Variants in HERC2 observed in about 807,000 individuals in gnomAD.
HERC2 encodes the protein E3 ubiquitin-protein ligase HERC2.
In HERC2, 102 loss-of-function variants were observed where a neutral mutation model predicts 537.7. That is an observed-to-expected ratio of 0.19 (90% CI 0.16 to 0.22). The LOEUF (loss-of-function observed/expected upper bound fraction) is 0.22, where lower values mean the gene tolerates loss of function less well. Ranked by LOEUF, HERC2 falls within the 10% of genes least tolerant of loss-of-function variation. The pLI is 1.00. For synonymous variants in HERC2, 2,224 were observed against 2,466.2 expected (o/e 0.90, Z 2.91); for missense variants, 4,236 against 6,198.2 (o/e 0.68, Z 10.63).
intron 53 of HERC2, among the ~76,000 whole-genome samples, chr15:28,191,694 G>C (rs1475250095): frequency 6.6e-6 from 1 of 152,174 alleles, no homozygotes. Flanking sequence ...ATTCTATGCA[G>C]GAGAGGAGGA....
chr15:28,164,007 C>G (rs1401169950), intron 68 of HERC2, among the ~76,000 whole-genome samples: 1 of 152,176 alleles, frequency 6.6e-6, no homozygotes, highest in Admixed American at 6.5e-5. Flanking sequence ...ACAGAAGCCT[C>G]CTGGAGGGCA....
intron 69 of HERC2, among the ~76,000 whole-genome samples, chr15:28,154,362 C>G (rs1302718658): frequency 6.6e-6 from 1 of 151,950 alleles, no homozygotes; most frequent in Non-Finnish European, 1.5e-5. Context: ...TTTTTGAGTC[C>G]CAAATATCAG....
chr15:28,309,061 T>G (rs151132515), intron 2 of HERC2, among the ~76,000 whole-genome samples: 1 of 152,360 alleles, frequency 6.6e-6, no homozygotes, highest in Non-Finnish European at 1.5e-5. Context: ...TTTTAATGAC[T>G]TATTTTGTGG....
chr15:28,141,417 A>G lies in HERC2; in HGVS notation c.12015+15T>C, dbSNP rs1262619349. 1 of 1,613,144 alleles carries G rather than the reference A, an allele frequency of 6.2e-7. No homozygotes were observed. The highest frequency in any genetic ancestry group is 8.5e-7 in the Non-Finnish European group (1 of 1,179,122). On this transcript the variant is annotated intron_variant, in intron 78 of 92. Coordinates refer to ENST00000261609, the MANE Select transcript of HERC2 (RefSeq NM_004667.6). ...CAGGCTCAATGACCTTGTGACATAG[A>G]AAAAGAGCTCTTACCTTCCCATCAG...
intron 57 of HERC2, among the ~76,000 whole-genome samples, chr15:28,181,410 A>T (rs1465230465): frequency 6.6e-6 from 1 of 152,240 alleles, no homozygotes; most frequent in East Asian, 1.9e-4. Context: ...AGGTACACTG[A>T]AACACAAATG....
rs746414041 is a variant in HERC2 at position 28,260,807 on chromosome 15, G to C, written c.2286C>G (p.His762Gln). The C allele has an allele frequency of 6.2e-7, 1 of 1,614,236 alleles. No homozygotes were observed. Among genetic ancestry groups the C allele is most frequent in the Non-Finnish European group, 8.5e-7 (1 of 1,180,036 alleles). Residue 762 changes from histidine (H) to glutamine (Q), a missense_variant, in exon 16 of 93, where the codon CAC (histidine) becomes CAG (glutamine). His to Gln is a conservative substitution (Grantham distance 24, BLOSUM62 0). Around this residue, in one of 27 missense-constraint regions of HERC2, gnomAD observed 754 missense variants for 1,085.0 expected, o/e 0.69. Coordinates refer to ENST00000261609, the MANE Select transcript of HERC2 (RefSeq NM_004667.6). ...PAALPGLDTK[H>Q]IVGIACGPAQ... Reference sequence around the variant, plus strand: ...CAGGCCCACAGGCAATTCCCACTATGTGTTTGGTGTCCAGTCCTGGCAATG... The same window carrying C: ...CAGGCCCACAGGCAATTCCCACTATCTGTTTGGTGTCCAGTCCTGGCAATG...
chr15:28,182,655 A>G (rs73362608), intron 56 of HERC2, 143 bp from the exon 57 acceptor site: 11 of 656,736 alleles, frequency 1.7e-5, no homozygotes, highest in Non-Finnish European at 2.3e-5. Context: ...TTTAATAGAA[A>G]AAAACCTCAA....
In HERC2 at chr15:28,233,805, G is replaced by C. The variant is rs1472194978; in HGVS notation, c.4219-9C>G. ...ATTTGACACAAAAAGTCCTGCAACA[G>C]AAACAGCTGGAAGTAACTTCAGAGC... On this transcript the variant is annotated splice_polypyrimidine_tract_variant and intron_variant, in intron 27 of 92. Coordinates refer to ENST00000261609, the MANE Select transcript of HERC2 (RefSeq NM_004667.6). The C allele has an allele frequency of 6.2e-7, 1 of 1,611,816 alleles. No individual in the cohort carries two copies. The highest frequency in any genetic ancestry group is 8.5e-7 in the Non-Finnish European group (1 of 1,179,740).
chr15:28,153,456 C>A (rs1305638223), intron 69 of HERC2, among the ~76,000 whole-genome samples: 1 of 151,946 alleles, frequency 6.6e-6, no homozygotes, highest in Non-Finnish European at 1.5e-5. Flanking sequence ...GAGTTCAAGA[C>A]CAGCCTGGCC....
Position 28,174,441 on chromosome 15 carries a change from G to C in HERC2, c.10011C>G (p.Pro3337=). ...GGTCTCTTGCAGTCTGGAAGAGGAC[G>C]GGCTCGTGGACAGAGGGCGTGGCCA... ...VDVATPSVHE[P]VLFQTARDPL... is the part of the protein sequence containing the mutation. The change falls in exon 65 of 93, where the codon CCC becomes CCG. Residue 3337 remains proline, a synonymous_variant. Transcript: ENST00000261609. 6.3e-7 allele frequency: 1 copy of C among 1,580,572 alleles called. No homozygotes were observed.
At chr15:28,308,414 A>G (rs1567148578) in intron 2 of HERC2, among the ~76,000 whole-genome samples, 1 of 152,248 alleles carries the variant, frequency 6.6e-6, no homozygotes, top group Non-Finnish European at 1.5e-5. Context: ...GTATACTGCA[A>G]TTGTATTGAA....
intron 2 of HERC2, among the ~76,000 whole-genome samples, chr15:28,312,117 A>T (rs1313794797): frequency 2.6e-5 from 4 of 152,420 alleles, no homozygotes. Context: ...GACCCAAATA[A>T]ATGGTAAGCA....
Position 28,317,707 on chromosome 15 carries a change from G to A in HERC2, c.72+3655C>T, listed in dbSNP as rs527896936. ...GTAGTGATGAAACAGTTCTGCATAG[G>A]AAATTGTAGTAGTAGTTACATTTAC... On this transcript the variant is annotated intron_variant, in intron 2 of 92. Transcript: ENST00000261609. Among the ~76,000 whole-genome samples, 81 of 152,290 alleles carry A rather than the reference G, an allele frequency of 5.3e-4. 1 individual carries two copies. The highest frequency in any genetic ancestry group is 4.8e-3 in the South Asian group (23 of 4,818).
In HERC2 at chr15:28,116,551, A is replaced by G. The variant is rs933510777; in HGVS notation, c.13609+114T>C. On this transcript the variant is annotated intron_variant, in intron 88 of 92. Transcript: ENST00000261609. Reference sequence around the variant, plus strand: ...ATTTTTATTGGTAACAGTCTCAAAAACTAAAAGCAGATATTCAAGATATCT... The same window carrying G: ...ATTTTTATTGGTAACAGTCTCAAAAGCTAAAAGCAGATATTCAAGATATCT... The G allele has an allele frequency of 2.7e-6, 3 of 1,126,302 alleles. No individual in the cohort carries two copies. The South Asian group carries it at 4.6e-5, about 17-fold the overall frequency. 69.8% of individuals were successfully genotyped at this position (1,126,302 alleles called of 1,614,324 possible). A position where few individuals can be genotyped will look rare whatever the true frequency, so the allele number is the denominator to read the frequency against.
Position 28,178,961 on chromosome 15 carries a change from C to T in HERC2, c.9089G>A (p.Ser3030Asn), listed in dbSNP as rs201973387. ...TNGRLGLGIS[S>N]GTVPIPRQIT... ...CTGCCGTGGGATGGGCACCGTCCCG[C>T]TGGAAATGCCCAGCCCCAGCCGGCC... The change falls in exon 59 of 93, where the codon AGC becomes AAC. Residue 3030 changes from serine to asparagine, a missense_variant. This residue lies in a region of HERC2 where 606 missense variants were observed against 884.5 expected (regional missense o/e 0.69). Coordinates refer to ENST00000261609, the MANE Select transcript of HERC2 (RefSeq NM_004667.6). 20 of 1,614,112 alleles carry T rather than the reference C, an allele frequency of 1.2e-5. No homozygotes were observed. Among genetic ancestry groups the T allele is most frequent in the Non-Finnish European group, 1.7e-5 (20 of 1,180,050 alleles).
chr15:28,229,704 C>A lies in HERC2; in HGVS notation c.4953G>T (p.Val1651=), dbSNP rs1188075397. ...EFALKEEPVD[V]EKMRKCLLKQ... ...TTAGTAGGCACTTTCTCATTTTTTC[C>A]ACATCCACTGGCTCTTCTTTAAGGG... The change falls in exon 32 of 93, where the codon GTG becomes GTT. Residue 1651 remains valine (V), a synonymous_variant. Coordinates refer to ENST00000261609, the MANE Select transcript of HERC2 (RefSeq NM_004667.6). 3 of 1,611,912 alleles carry A rather than the reference C, an allele frequency of 1.9e-6. No homozygotes were observed. In the East Asian group the frequency reaches 6.7e-5, roughly 36 times the overall value.
intron 4 of HERC2, among the ~76,000 whole-genome samples, chr15:28,288,988 C>T (rs2076237984): frequency 6.6e-6 from 1 of 151,926 alleles, no homozygotes; most frequent in Non-Finnish European, 1.5e-5. Context: ...AGCAACACTG[C>T]CAACCAAGAA....
intron 80 of HERC2, among the ~76,000 whole-genome samples, 160 bp downstream of exon 80, chr15:28,132,493 A>C (rs1206025008): frequency 6.6e-6 from 1 of 152,238 alleles, no homozygotes; most frequent in Non-Finnish European, 1.5e-5. Flanking sequence ...CCAACCCTAC[A>C]TCACCATGAA....
chr15:28,191,843 G>A (rs1375149491), intron 53 of HERC2, 118 bp downstream of exon 53: 4 of 708,156 alleles, frequency 5.6e-6, no homozygotes, highest in Non-Finnish European at 9.3e-6. Flanking sequence ...AACATAACGT[G>A]AGTACTGACA....
Sources: allele counts gnomAD v4.1 joint callset (sites outside exome capture counted in the v4.1 genomes callset), GRCh38; gene constraint gnomAD v4.1.1; regional missense constraint gnomAD v4.1.1; transcripts MANE v1.5; gene names NCBI Gene and HGNC (gene_info 2026-07-23, HGNC 2026-07-21).